SCN10A: variants seen among roughly 807,000 people sequenced by gnomAD.
SCN10A encodes sodium channel protein type 10 subunit alpha.
A neutral mutation model predicts 170.7 loss-of-function variants in SCN10A; 162 were observed. The observed-to-expected ratio is 0.95, with a 90% CI of 0.84 to 1.08. SCN10A has a LOEUF of 1.08. Ranked by LOEUF, SCN10A falls within the 50% of genes least tolerant of loss-of-function variation. The pLI, the probability that SCN10A is intolerant of heterozygous loss-of-function variation, is 0.00. For synonymous variants in SCN10A, 985 were observed against 904.6 expected (o/e 1.09, Z -1.59); for missense variants, 2,527 against 2,436.9 (o/e 1.04, Z -0.78).
chr3:38,761,409 C>G (rs2063870075), intron 6 of SCN10A, 26 bp from the exon 7 acceptor site: 1 of 1,597,586 alleles, frequency 6.3e-7, no homozygotes, highest in Non-Finnish European at 8.6e-7. Flanking sequence ...AGTGGTATGA[C>G]CACATGGATG....
At chr3:38,746,290 C>T (rs556599635) in intron 13 of SCN10A, among the ~76,000 whole-genome samples, 1 of 151,530 alleles carries the variant, frequency 6.6e-6, no homozygotes, top group Non-Finnish European at 1.5e-5. Context: ...GTTATTGTAT[C>T]AGCATATCTT....
intron 18 of SCN10A, among the ~76,000 whole-genome samples, chr3:38,724,970 C>A (rs1245377787): frequency 6.6e-6 from 1 of 152,118 alleles, no homozygotes; most frequent in Non-Finnish European, 1.5e-5. Context: ...GAGATTGTGG[C>A]AATGGTATAT....
At position 38,712,309 on chromosome 3, in the gene SCN10A, G is replaced by T; in HGVS notation, c.3941C>A (p.Thr1314Asn). Reference sequence around the variant, plus strand: ...AGGTACAAGGGAAAACTCTCCATCGGTATAGTTGATGCACCTCCAAAACTT... The same window carrying T: ...AGGTACAAGGGAAAACTCTCCATCGTTATAGTTGATGCACCTCCAAAACTT... ...AGKFWRCINY[T>N]DGEFSLVPLS... is the part of the protein sequence containing the mutation. The change falls in exon 23 of 28, where the codon ACC (threonine) becomes AAC (asparagine). Residue 1314 changes from threonine to asparagine, a missense_variant. By Grantham distance (65) the Thr-to-Asn change is moderately conservative (BLOSUM62 0). Coordinates refer to ENST00000449082, the MANE Select transcript of SCN10A (RefSeq NM_006514.4). 6.2e-7 allele frequency: 1 copy of T among 1,614,176 alleles called. No individual in the cohort carries two copies.
intron 14 of SCN10A, among the ~76,000 whole-genome samples, chr3:38,740,377 G>C (rs181682865): frequency 2.6e-5 from 4 of 152,178 alleles, no homozygotes; most frequent in Non-Finnish European, 5.9e-5. Context: ...GGAAAGCAAC[G>C]ACCAGGGTCA....
intron 15 of SCN10A, among the ~76,000 whole-genome samples, chr3:38,738,620 C>T (rs1045444287): frequency 6.6e-6 from 1 of 152,156 alleles, no homozygotes; most frequent in Non-Finnish European, 1.5e-5. Flanking sequence ...ATGCAGGGCT[C>T]CCAGTTAATA....
At chr3:38,744,344 A>G (rs945843727) in intron 13 of SCN10A, among the ~76,000 whole-genome samples, 2 of 152,188 alleles carry the variant, frequency 1.3e-5, no homozygotes, top group Non-Finnish European at 2.9e-5. Flanking sequence ...GCACTTGAAA[A>G]ATCAGTTTAG....
chr3:38,721,515 G>A lies in SCN10A; in HGVS notation c.3507+743C>T, dbSNP rs931985279. Among the ~76,000 whole-genome samples, 11 of 152,346 alleles carry A rather than the reference G, an allele frequency of 7.2e-5. No homozygotes were observed. In the East Asian group the frequency reaches 2.1e-3, roughly 29 times the overall value. On this transcript the variant is annotated intron_variant, in intron 20 of 27. Transcript: ENST00000449082. ...TGTAAGGAGCTTAAGCCACAGTACAGAGAGAACCTTCCTTCTTTGCTCTAC... is the reference window on the plus strand; with the variant it reads ...TGTAAGGAGCTTAAGCCACAGTACAAAGAGAACCTTCCTTCTTTGCTCTAC...
At chr3:38,705,601 C>G (rs2063202160) in intron 26 of SCN10A, among the ~76,000 whole-genome samples, 2 of 152,124 alleles carry the variant, frequency 1.3e-5, no homozygotes, top group Admixed American at 1.3e-4. Context: ...TATGATTTAT[C>G]TTGTCCTAAG....
intron 17 of SCN10A, among the ~76,000 whole-genome samples, chr3:38,726,304 G>A (rs2063453692): frequency 1.3e-5 from 2 of 152,162 alleles, no homozygotes; most frequent in African/African-American, 2.4e-5. Context: ...AATCTCATTA[G>A]CATCTCATGC....
chr3:38,732,311 C>T (rs981432622), intron 15 of SCN10A, among the ~76,000 whole-genome samples: 15 of 152,294 alleles, frequency 9.8e-5, no homozygotes, highest in Admixed American at 7.2e-4. Flanking sequence ...CTTAAACCCC[C>T]TGAACTTTTT....
At chr3:38,710,812 G>A in intron 24 of SCN10A, 32 bp downstream of exon 24, 1 of 1,601,630 alleles carries the variant, frequency 6.2e-7, no homozygotes, top group African/African-American at 1.3e-5. Flanking sequence ...GCACAGAGGG[G>A]AAGGCTGTAG....
At chr3:38,813,020 G>A (rs974417613) in intron 1 of SCN10A, among the ~76,000 whole-genome samples, 1 of 152,100 alleles carries the variant, frequency 6.6e-6, no homozygotes, top group African/African-American at 2.4e-5. Context: ...GTGTTGGAGT[G>A]AGACCCTGTC....
rs192475064 is a variant in SCN10A, at chr3:38,756,123, C to T, written c.1291-165G>A. Among the ~76,000 whole-genome samples, 41 of 152,276 alleles carry T rather than the reference C, an allele frequency of 2.7e-4. No homozygotes were observed. The East Asian group carries it at 6.4e-3, about 24-fold the overall frequency. ...TAGGCCATGGCAGGAACAGACACCT[C>T]GGGTCACCCCCACTCATTCATGGGG... On this transcript the variant is annotated intron_variant, in intron 10 of 27. Transcript: ENST00000449082.
intron 26 of SCN10A, among the ~76,000 whole-genome samples, chr3:38,705,357 C>T (rs1454992377): frequency 2.6e-5 from 4 of 152,158 alleles, no homozygotes; most frequent in African/African-American, 9.7e-5. Context: ...GATGGAGAAT[C>T]TCAGGAACAG....
chr3:38,786,928 T>A (rs897046799), intron 4 of SCN10A, among the ~76,000 whole-genome samples: 2 of 152,186 alleles, frequency 1.3e-5, no homozygotes, highest in Non-Finnish European at 2.9e-5. Flanking sequence ...TTATAGTAAA[T>A]CTCGACATCC....
chr3:38,725,201 A>G lies in SCN10A; in HGVS notation c.3201T>C (p.Asp1067=). The change falls in exon 18 of 28, where the codon GAT becomes GAC. Residue 1067 remains aspartate (D), a synonymous_variant. Coordinates refer to ENST00000449082, the MANE Select transcript of SCN10A (RefSeq NM_006514.4). ...LAPSLGETWK[D]ESVPQVPAEG... ...CAGCAGGGACCTGAGGAACAGACTC[A>G]TCTTTCCACGTCTCACCCAGGGATG... is the stretch of plus-strand genomic sequence containing the variant. The G allele has an allele frequency of 6.2e-7, 1 of 1,606,048 alleles. No homozygotes were observed. Among genetic ancestry groups the G allele is most frequent in the Non-Finnish European group, 8.5e-7 (1 of 1,173,990 alleles).
intron 4 of SCN10A, among the ~76,000 whole-genome samples, chr3:38,779,845 T>A (rs1312071780): frequency 6.6e-6 from 1 of 151,986 alleles, no homozygotes; most frequent in Non-Finnish European, 1.5e-5. Context: ...TTATTTTTTT[T>A]AACTCTATTT....
intron 16 of SCN10A, among the ~76,000 whole-genome samples, chr3:38,727,345 C>T (rs2063469208): frequency 6.6e-6 from 1 of 152,228 alleles, no homozygotes; most frequent in African/African-American, 2.4e-5. Context: ...GAGAAGGCAC[C>T]AGCCCTTCCT....
intron 15 of SCN10A, among the ~76,000 whole-genome samples, chr3:38,730,566 T>C (rs557955529): frequency 4.6e-5 from 7 of 152,318 alleles, no homozygotes; most frequent in African/African-American, 1.7e-4. Flanking sequence ...CTTCAGATGA[T>C]AGAATTATTA....
Sources: gnomAD v4.1 joint callset for allele counts (sites outside exome capture counted in the v4.1 genomes callset) on GRCh38, gnomAD v4.1.1 for gene constraint, MANE v1.5 for transcripts, NCBI Gene and HGNC (gene_info 2026-07-23, HGNC 2026-07-21) for gene names.